The following ABCA6 variants were observed in gnomAD, a reference collection of about 807,000 sequenced individuals.
The protein encoded by ABCA6 is ATP binding cassette subfamily A member 6, also known as ATP-binding cassette sub-family A member 6.
In ABCA6, 164 loss-of-function variants were observed where a neutral mutation model predicts 191.2. That is an observed-to-expected ratio of 0.86 (90% confidence interval 0.76 to 0.98). ABCA6 has a LOEUF of 0.98. Among genes scored for constraint, ABCA6 ranks in the 50% least tolerant of loss-of-function variants. The pLI is 0.00. For missense variants in ABCA6, 1,958 were observed against 1,894.1 expected (o/e 1.03, Z -0.63); for synonymous variants, 636 against 647.7 (o/e 0.98, Z 0.27).
intron 2 of ABCA6, among the ~76,000 whole-genome samples, chr17:69,138,194 G>A (rs998538534): frequency 1.3e-5 from 2 of 152,148 alleles, no homozygotes; most frequent in Non-Finnish European, 2.9e-5. Flanking sequence ...CCAAGATGGT[G>A]GCAGAGGTCC....
At chr17:69,093,338 G>A (rs2072971143) in intron 25 of ABCA6, among the ~76,000 whole-genome samples, 1 of 152,160 alleles carries the variant, frequency 6.6e-6, no homozygotes, top group African/African-American at 2.4e-5. Flanking sequence ...CGAAGTTAAA[G>A]TTAAAAGAGA....
At chr17:69,126,610 C>G (rs888484849) in intron 8 of ABCA6, among the ~76,000 whole-genome samples, 1 of 151,708 alleles carries the variant, frequency 6.6e-6, no homozygotes, top group Non-Finnish European at 1.5e-5. Flanking sequence ...TTTGTATACT[C>G]CAGCCTGTGT....
chr17:69,113,237 C>T lies in ABCA6; in HGVS notation c.2026G>A (p.Ala676Thr). 6.2e-7 allele frequency: 1 copy of T among 1,603,604 alleles called. No individual in the cohort carries two copies. The highest frequency in any genetic ancestry group is 8.5e-7 in the Non-Finnish European group (1 of 1,176,606). Residue 676 changes from alanine (A) to threonine (T), a missense_variant, in exon 15 of 39, where the codon GCT (alanine) becomes ACT (threonine). Ala to Thr is a moderately conservative substitution (Grantham distance 58). Transcript: ENST00000284425. Reference protein sequence around the residue: ...ILFSTQSMDEADILADRKVIM... With the variant: ...ILFSTQSMDETDILADRKVIM... ...CAACAATTACCAGCCAGGATGTCAGCCTCATCCATGGACTGGGTACTGAAA... is the reference window on the plus strand; with the variant it reads ...CAACAATTACCAGCCAGGATGTCAGTCTCATCCATGGACTGGGTACTGAAA...
At chr17:69,090,799 T>C (rs2072906369) in intron 26 of ABCA6, among the ~76,000 whole-genome samples, 1 of 152,140 alleles carries the variant, frequency 6.6e-6, no homozygotes, top group Non-Finnish European at 1.5e-5. Flanking sequence ...AGCACATTTT[T>C]CCCCCAATCT....
At chr17:69,135,814 A>G in intron 4 of ABCA6, 1 of 447,752 alleles carries the variant, frequency 2.2e-6, no homozygotes, top group Non-Finnish European at 3.9e-6. Flanking sequence ...GCTAACCTGG[A>G]ATCTCACCTG....
At chr17:69,121,880 A>G (rs904945305) in intron 10 of ABCA6, among the ~76,000 whole-genome samples, 2 of 152,066 alleles carry the variant, frequency 1.3e-5, no homozygotes, top group South Asian at 2.1e-4. Context: ...GAAATTTTCT[A>G]TGGAGCTGGT....
At chr17:69,113,562 C>G in intron 14 of ABCA6, 56 bp downstream of exon 14, 1 of 1,610,784 alleles carries the variant, frequency 6.2e-7, no homozygotes, top group Non-Finnish European at 8.5e-7. Context: ...GGTAAAAGAA[C>G]TTGACATTTT....
intron 28 of ABCA6, 121 bp from the exon 29 acceptor site, chr17:69,087,594 G>C (rs1022683416): frequency 9.1e-6 from 12 of 1,314,214 alleles, no homozygotes; most frequent in African/African-American, 7.4e-5. Context: ...ATGATGTGAT[G>C]ATGACTGTCA....
Position 69,106,077 on chromosome 17 carries a change from G to C in ABCA6, c.2524C>G (p.Arg842Gly). The C allele has an allele frequency of 1.2e-6, 2 of 1,613,350 alleles. No homozygotes were observed. Among genetic ancestry groups the C allele is most frequent in the Non-Finnish European group, 1.7e-6 (2 of 1,179,654 alleles). ...CGTTTTAACTTTAAGAAACGGAGCCGTGCCATGGCAAAGACTTGCATTCTC... is the reference window on the plus strand; with the variant it reads ...CGTTTTAACTTTAAGAAACGGAGCCCTGCCATGGCAAAGACTTGCATTCTC... ...LWRMQVFAMA[R>G]LRFLKLKRQT... Residue 842 changes from arginine (R) to glycine (G), a missense_variant, in exon 19 of 39, where the codon CGG becomes GGG. Arg to Gly is a moderately radical substitution (Grantham distance 125). Coordinates refer to ENST00000284425, the MANE Select transcript of ABCA6 (RefSeq NM_080284.3).
chr17:69,125,925 C>G (rs149741613), intron 8 of ABCA6, among the ~76,000 whole-genome samples: 1 of 152,006 alleles, frequency 6.6e-6, no homozygotes, highest in Non-Finnish European at 1.5e-5. Flanking sequence ...TAAGATGAAT[C>G]TTCCTTAATC....
At chr17:69,088,299 A>G (rs1439120346) in intron 27 of ABCA6, 41 bp from the exon 28 acceptor site, 1 of 1,408,146 alleles carries the variant, frequency 7.1e-7, no homozygotes, top group African/African-American at 1.5e-5. Context: ...GCATAAGTTC[A>G]CAAATATTAT....
chr17:69,087,591 G>C (rs1212327657), intron 28 of ABCA6, 118 bp from the exon 29 acceptor site: 4 of 1,321,182 alleles, frequency 3.0e-6, no homozygotes, highest in African/African-American at 1.5e-5. Context: ...GTGATGATGT[G>C]ATGATGACTG....
rs111772875 is a variant in ABCA6 at position 69,132,045 on chromosome 17, C to T, written c.791+1596G>A. Among the ~76,000 whole-genome samples, 242 of 152,128 alleles carry T rather than the reference C, an allele frequency of 1.6e-3. 1 individual carries two copies. In the Middle Eastern group the frequency reaches 0.017, roughly 11 times the overall value. On this transcript the variant is annotated intron_variant, in intron 6 of 38. Transcript: ENST00000284425. ...TCTTTTTTATTTGAAGACACAGGTTCCTCTTTTTCTATCTTACAATTTATG... is the reference window on the plus strand; with the variant it reads ...TCTTTTTTATTTGAAGACACAGGTTTCTCTTTTTCTATCTTACAATTTATG...
intron 16 of ABCA6, 49 bp from the exon 17 acceptor site, chr17:69,110,989 T>C (rs1568018076): frequency 6.5e-7 from 1 of 1,527,286 alleles, no homozygotes; most frequent in Non-Finnish European, 8.8e-7. Flanking sequence ...TCCACCACTA[T>C]CACAAAAGAA....
At chr17:69,116,684 T>C (rs1011314764) in intron 11 of ABCA6, among the ~76,000 whole-genome samples, 8 of 152,116 alleles carry the variant, frequency 5.3e-5, no homozygotes, top group African/African-American at 1.9e-4. Flanking sequence ...ACTTAGCTTC[T>C]GAAAAGTAGG....
Position 69,128,560 on chromosome 17 carries a change from G to A in ABCA6, c.1119+59C>T, listed in dbSNP as rs9909516. Reference sequence around the variant, plus strand: ...GTTTGAGTAGTGCTGATCCTACAGCGTATGAAGTATCTACTTCTTTTGAAA... The same window carrying A: ...GTTTGAGTAGTGCTGATCCTACAGCATATGAAGTATCTACTTCTTTTGAAA... On this transcript the variant is annotated intron_variant, in intron 8 of 38. Coordinates refer to ENST00000284425, the MANE Select transcript of ABCA6 (RefSeq NM_080284.3). The A allele has an allele frequency of 1.4e-3, 1,958 of 1,363,712 alleles. 24 individuals are homozygous for A. The African/African-American group carries it at 0.023, about 16-fold the overall frequency. The allele number at this position is 1,363,712 out of a possible 1,614,324, so 84.5% of individuals were successfully genotyped here.
At position 69,128,710 on chromosome 17, in the gene ABCA6, C is replaced by T; in HGVS notation, c.1028G>A (p.Gly343Glu). The change falls in exon 8 of 39, where the codon GGA becomes GAA. Residue 343 changes from glycine to glutamate, a missense_variant. By Grantham distance (98) the Gly-to-Glu change is moderately conservative (BLOSUM62 -2). Transcript: ENST00000284425. ...AAGTTGTTCATAAAATACAGTGAATCCCAGACATCCCCAAAAGAGGGTAAG... is the reference window on the plus strand; with the variant it reads ...AAGTTGTTCATAAAATACAGTGAATTCCAGACATCCCCAAAAGAGGGTAAG... The part of the protein sequence containing the change: ...FLLTLFWGCL[G>E]FTVFYEQLPS... 6.2e-7 allele frequency: 1 copy of T among 1,612,860 alleles called. No homozygotes were observed. The highest frequency in any genetic ancestry group is 8.5e-7 in the Non-Finnish European group (1 of 1,179,266).
Position 69,097,390 on chromosome 17 carries a change from C to CA in ABCA6, c.3120+529dup, listed in dbSNP as rs11365217. On this transcript the variant is annotated intron_variant, in intron 23 of 38. Transcript: ENST00000284425. Reference sequence around the variant, plus strand: ...TGGGCAACAGAGTGAGACTCCATCTCAAAAAAAAAAAAAAAAAAGTATTAT... The same window carrying CA: ...TGGGCAACAGAGTGAGACTCCATCTCAAAAAAAAAAAAAAAAAAAGTATTAT... Among the ~76,000 whole-genome samples, 579 of 77,878 alleles carry CA rather than the reference C, an allele frequency of 7.4e-3. 3 individuals carry two copies. Among genetic ancestry groups the CA allele is most frequent in the Middle Eastern group, 0.029 (3 of 102 alleles). The allele number at this position is 77,878 out of a possible 152,430, so 51.1% of individuals were successfully genotyped here.
At chr17:69,134,945 C>T (rs1432060787) in intron 4 of ABCA6, among the ~76,000 whole-genome samples, 7 of 125,394 alleles carry the variant, frequency 5.6e-5, no homozygotes, top group East Asian at 5.2e-4. Context: ...TGCAGTGGTG[C>T]GATCTCAGCT....
Sources: gnomAD v4.1 joint callset for allele counts (sites outside exome capture counted in the v4.1 genomes callset) on GRCh38, gnomAD v4.1.1 for gene constraint, MANE v1.5 for transcripts, NCBI Gene and HGNC (gene_info 2026-07-23, HGNC 2026-07-21) for gene names.